Variants in POLQ observed in about 807,000 individuals in gnomAD.
The protein encoded by POLQ is epididymis secretory sperm binding protein.
POLQ carries 233 observed loss-of-function variants against 259.2 expected under a neutral mutation model. That is an observed-to-expected ratio of 0.90 (90% CI 0.81 to 1.00). POLQ has a LOEUF of 1.00. Ranked by LOEUF, POLQ falls within the 50% of genes least tolerant of loss-of-function variation. POLQ has a pLI of 0.00. For synonymous variants in POLQ, 1,025 were observed against 1,048.8 expected, an observed-to-expected ratio of 0.98 and a Z score of 0.44; for missense variants, 2,871 against 3,051.6, an observed-to-expected ratio of 0.94 and a Z score of 1.39.
chr3:121,505,167 T>A (rs994425727), intron 12 of POLQ, among the ~76,000 whole-genome samples: 1 of 152,186 alleles, frequency 6.6e-6, no homozygotes, highest in Non-Finnish European at 1.5e-5. Flanking sequence ...TCTCTCACTC[T>A]CTTCCTCTTG....
At chr3:121,436,749 T>G (rs2047547587) in intron 27 of POLQ, among the ~76,000 whole-genome samples, 2 of 151,910 alleles carry the variant, frequency 1.3e-5, no homozygotes. Flanking sequence ...CCTGCAGGTA[T>G]GGAGCCCTCT....
At chr3:121,501,846 C>G (rs2108804178) in intron 12 of POLQ, among the ~76,000 whole-genome samples, 1 of 150,788 alleles carries the variant, frequency 6.6e-6, no homozygotes, top group Middle Eastern at 3.5e-3. Context: ...AAAAATTACC[C>G]AGGAGTGGTG....
intron 21 of POLQ, among the ~76,000 whole-genome samples, chr3:121,473,042 G>A (rs776358678): frequency 2.6e-5 from 4 of 152,150 alleles, no homozygotes; most frequent in Non-Finnish European, 4.4e-5. Flanking sequence ...TGGCCAACAT[G>A]GTGAAACCCC....
At position 121,467,575 on chromosome 3, in the gene POLQ, G is replaced by A. The variant is rs532411; in HGVS notation, c.6911C>T (p.Ala2304Val). The A allele has an allele frequency of 0.067, 108,086 of 1,613,214 alleles. 4,717 individuals are homozygous for A. The highest frequency in any genetic ancestry group is 0.2 in the African/African-American group (14,986 of 74,974). Residue 2304 changes from alanine to valine, a missense_variant, in exon 24 of 30, where the codon GCA becomes GTA. This residue lies in a region of POLQ where 2,080 missense variants were observed against 2,126.0 expected (regional missense o/e 0.98). Coordinates refer to ENST00000264233, the MANE Select transcript of POLQ (RefSeq NM_199420.4). Reference protein sequence around the residue: ...RCQAQMEERAADRGMPFSISM... With the variant: ...RCQAQMEERAVDRGMPFSISM... Reference sequence around the variant, plus strand: ...AATTGAAAATGGCATTCCTCTGTCTGCAGCTCTCTCCTCCATCTGTGCCTG... The same window carrying A: ...AATTGAAAATGGCATTCCTCTGTCTACAGCTCTCTCCTCCATCTGTGCCTG...
chr3:121,545,906 A>C lies in POLQ; in HGVS notation c.-29T>G. 6.2e-7 allele frequency: 1 copy of C among 1,612,884 alleles called. No homozygotes were observed. Among genetic ancestry groups the C allele is most frequent in the South Asian group, 1.1e-5 (1 of 90,914 alleles). On this transcript the variant is annotated 5_prime_UTR_variant, in exon 1 of 30. Coordinates refer to ENST00000264233, the MANE Select transcript of POLQ (RefSeq NM_199420.4). ...AAACTCTTCTCGGCCGATCAGGGCA[A>C]GCCACAGTCCCAGCGTCCTCCCTCT...
At chr3:121,479,986 A>T (rs1202829190) in intron 19 of POLQ, among the ~76,000 whole-genome samples, 1 of 152,110 alleles carries the variant, frequency 6.6e-6, no homozygotes, top group Admixed American at 6.5e-5. Flanking sequence ...ACTTCAAGTG[A>T]CATTAAATAA....
chr3:121,485,635 G>C (rs1251031036), intron 16 of POLQ, among the ~76,000 whole-genome samples: 1 of 152,094 alleles, frequency 6.6e-6, no homozygotes, highest in Non-Finnish European at 1.5e-5. Context: ...ATTTTATAAA[G>C]GTCAAGAATC....
chr3:121,462,047 T>C (rs1290961881), intron 24 of POLQ, among the ~76,000 whole-genome samples: 1 of 152,186 alleles, frequency 6.6e-6, no homozygotes, highest in African/African-American at 2.4e-5. Context: ...AACGAGATGC[T>C]CAAACGTCAC....
intron 6 of POLQ, among the ~76,000 whole-genome samples, chr3:121,531,122 G>A (rs974508384): frequency 2.0e-5 from 3 of 152,160 alleles, no homozygotes; most frequent in Non-Finnish European, 2.9e-5. Flanking sequence ...GGGAGGCGGA[G>A]GTTGCGGTGA....
Position 121,487,530 on chromosome 3 carries a change from C to A in POLQ, c.5401G>T (p.Asp1801Tyr). 6.2e-7 allele frequency: 1 copy of A among 1,614,076 alleles called. No individual in the cohort carries two copies. The highest frequency in any genetic ancestry group is 1.1e-5 in the South Asian group (1 of 91,066). Residue 1801 changes from aspartate (D) to tyrosine (Y), a missense_variant, in exon 16 of 30, where the codon GAC (aspartate) becomes TAC (tyrosine). Coordinates refer to ENST00000264233, the MANE Select transcript of POLQ (RefSeq NM_199420.4). The part of the protein sequence containing the change: ...NGFKDNSPIS[D>Y]TSFSLQLSQD... The stretch of plus-strand genomic sequence containing the variant: ...GATAACTGAAGTGAAAAGCTTGTGT[C>A]ACTAATAGGGCTGTTGTCTTTGAAC...
chr3:121,509,684 T>G lies in POLQ; in HGVS notation c.1836A>C (p.Thr612=), dbSNP rs141253624. 6.8e-6 allele frequency: 11 copies of G among 1,613,428 alleles called. No individual in the cohort carries two copies. Among genetic ancestry groups the G allele is most frequent in the Non-Finnish European group, 9.3e-6 (11 of 1,179,708 alleles). Residue 612 remains threonine, a synonymous_variant, in exon 12 of 30, where the codon ACA becomes ACC. Transcript: ENST00000264233. The stretch of plus-strand genomic sequence containing the variant: ...AAGAAAGAGTGGCCGAACCAAGATG[T>G]GTTGGATGATACACCTTTCCTGGTT... ...DGTEGKVYHP[T]HLGSATLSSS...
intron 14 of POLQ, chr3:121,494,588 G>A (rs2048100105): frequency 7.0e-6 from 11 of 1,564,582 alleles, no homozygotes; most frequent in African/African-American, 1.3e-5. Context: ...TGCACACAAC[G>A]CGGATCCCAT....
Position 121,481,554 on chromosome 3 carries a change from CA to C in POLQ, c.6211+17del. Reference sequence around the variant, plus strand: ...TCTCTAATCTATAACATAAAAATGCCAGAAACTTGGTTTTTACCTTGAAGGT... The same window carrying C: ...TCTCTAATCTATAACATAAAAATGCCGAAACTTGGTTTTTACCTTGAAGGT... On this transcript the variant is annotated intron_variant, in intron 19 of 29. Coordinates refer to ENST00000264233, the MANE Select transcript of POLQ (RefSeq NM_199420.4). 1 of 1,565,236 alleles carries C rather than the reference CA, an allele frequency of 6.4e-7. No homozygotes were observed. Among genetic ancestry groups the C allele is most frequent in the Non-Finnish European group, 8.7e-7 (1 of 1,155,144 alleles).
Position 121,488,689 on chromosome 3 carries a change from G to C in POLQ, c.4242C>G (p.Ser1414Arg). 2 of 1,612,892 alleles carry C rather than the reference G, an allele frequency of 1.2e-6. No individual in the cohort carries two copies. The highest frequency in any genetic ancestry group is 1.7e-6 in the Non-Finnish European group (2 of 1,179,694). Reference sequence around the variant, plus strand: ...ATAGTATTGGAGAATGGAAAATCGGGCTTTCTGGAGTCAGGATATCAACCC... The same window carrying C: ...ATAGTATTGGAGAATGGAAAATCGGCCTTTCTGGAGTCAGGATATCAACCC... ...SHGVDILTPE[S>R]PIFHSPILLE... The change falls in exon 16 of 30, where the codon AGC becomes AGG. Residue 1414 changes from serine to arginine, a missense_variant. By Grantham distance (110) the Ser-to-Arg change is moderately radical. This residue lies in a region of POLQ where 2,080 missense variants were observed against 2,126.0 expected (regional missense o/e 0.98). Transcript: ENST00000264233.
At chr3:121,503,438 G>A (rs1414411265) in intron 12 of POLQ, among the ~76,000 whole-genome samples, 2 of 152,174 alleles carry the variant, frequency 1.3e-5, no homozygotes, top group East Asian at 3.8e-4. Flanking sequence ...AAGAGGTACA[G>A]GGGAACAAAT....
intron 15 of POLQ, among the ~76,000 whole-genome samples, chr3:121,490,916 A>T (rs888116353): frequency 6.6e-6 from 1 of 152,054 alleles, no homozygotes; most frequent in Non-Finnish European, 1.5e-5. Context: ...TCAGCCAGGC[A>T]TGGTAGCGGG....
chr3:121,527,425 G>A (rs2048381290), intron 7 of POLQ, among the ~76,000 whole-genome samples: 1 of 152,062 alleles, frequency 6.6e-6, no homozygotes, highest in Non-Finnish European at 1.5e-5. Context: ...TCGAACTCCT[G>A]GACACAAGTG....
intron 22 of POLQ, among the ~76,000 whole-genome samples, chr3:121,469,829 A>G (rs1404014687): frequency 6.6e-6 from 1 of 152,240 alleles, no homozygotes; most frequent in African/African-American, 2.4e-5. Context: ...TCTAAATATT[A>G]TAAGCATTAT....
chr3:121,479,079 G>A (rs986875458), intron 19 of POLQ, among the ~76,000 whole-genome samples: 2 of 151,892 alleles, frequency 1.3e-5, no homozygotes, highest in Admixed American at 6.6e-5. Flanking sequence ...CCATGTACTC[G>A]AACTACAACA....
Sources: allele counts gnomAD v4.1 joint callset (sites outside exome capture counted in the v4.1 genomes callset), GRCh38; gene constraint gnomAD v4.1.1; regional missense constraint gnomAD v4.1.1; transcripts MANE v1.5; gene names NCBI Gene and HGNC (gene_info 2026-07-23, HGNC 2026-07-21).